The following RFXAP variants were observed in gnomAD, a reference collection of about 807,000 sequenced individuals.
RFXAP encodes the protein regulatory factor X associated protein.
Under a neutral mutation model 25.7 loss-of-function variants are expected in RFXAP, and 21 were observed. That is an observed-to-expected ratio of 0.82 (90% CI 0.58 to 1.18). The LOEUF (loss-of-function observed/expected upper bound fraction) is 1.18. Ranked by LOEUF, RFXAP falls within the 50% of genes most tolerant of loss-of-function variation. The pLI, the probability that RFXAP is intolerant of heterozygous loss-of-function variation, is 0.00. For synonymous variants in RFXAP, 161 were observed against 152.2 expected (o/e 1.06, Z -0.43); for missense variants, 333 against 363.0 (o/e 0.92, Z 0.67).
chr13:36,824,265 TAAATA>T (rs2057971563), intron 1 of RFXAP, among the ~76,000 whole-genome samples: 1 of 152,156 alleles, frequency 6.6e-6, no homozygotes, highest in Non-Finnish European at 1.5e-5. Context: ...AAGAATCTCA[TAAATA>T]AAATCAACTT....
At position 36,826,779 on chromosome 13, in the gene RFXAP, G is replaced by T. The variant is rs572441773; in HGVS notation, c.709-864G>T. Among the ~76,000 whole-genome samples the T allele has an allele frequency of 3.9e-5, 6 of 152,282 alleles. No individual in the cohort carries two copies. In the South Asian group the frequency reaches 1.2e-3, roughly 32 times the overall value. Reference sequence around the variant, plus strand: ...TATAATCTGAAAGTCAGTATTTAATGATAGTATGTTCACTTTATTCAGTTT... The same window carrying T: ...TATAATCTGAAAGTCAGTATTTAATTATAGTATGTTCACTTTATTCAGTTT... On this transcript the variant is annotated intron_variant, in intron 2 of 2. Transcript: ENST00000255476.
chr13:36,827,046 T>A (rs1046246406), intron 2 of RFXAP, among the ~76,000 whole-genome samples: 9 of 152,182 alleles, frequency 5.9e-5, no homozygotes, highest in African/African-American at 2.2e-4. Context: ...TACAACTATA[T>A]TTTAAAGTGA....
In RFXAP at chr13:36,822,852, T is replaced by G. The variant is rs116279043; in HGVS notation, c.601-2576T>G. On this transcript the variant is annotated intron_variant, in intron 1 of 2. Transcript: ENST00000255476. Reference sequence around the variant, plus strand: ...CTGTAAATCTTTATCTTTGTTAAACTGAGTGTAAAGAAAATAACAGTGCCA... The same window carrying G: ...CTGTAAATCTTTATCTTTGTTAAACGGAGTGTAAAGAAAATAACAGTGCCA... Among the ~76,000 whole-genome samples the G allele has an allele frequency of 5.7e-3, 868 of 152,312 alleles. 8 individuals are homozygous for G. The highest frequency in any genetic ancestry group is 0.02 in the African/African-American group (843 of 41,556).
chr13:36,823,975 C>T (rs1234165408), intron 1 of RFXAP, among the ~76,000 whole-genome samples: 3 of 152,122 alleles, frequency 2.0e-5, no homozygotes, highest in South Asian at 4.1e-4. Context: ...TAACATTCTA[C>T]CGAAATGTTA....
At chr13:36,820,355 G>T (rs1003916413) in intron 1 of RFXAP, among the ~76,000 whole-genome samples, 1 of 152,068 alleles carries the variant, frequency 6.6e-6, no homozygotes, top group African/African-American at 2.4e-5. Flanking sequence ...TCAGTATCCA[G>T]TTCTCAGTAC....
intron 2 of RFXAP, among the ~76,000 whole-genome samples, chr13:36,825,989 C>T (rs1033410521): frequency 6.6e-6 from 1 of 151,968 alleles, no homozygotes; most frequent in African/African-American, 2.4e-5. Flanking sequence ...TTCTGGGCAA[C>T]GTAGCGAGAC....
chr13:36,825,868 G>T (rs2138217694), intron 2 of RFXAP, among the ~76,000 whole-genome samples: 1 of 151,620 alleles, frequency 6.6e-6, no homozygotes, highest in South Asian at 2.1e-4. Flanking sequence ...AACGTGTCTG[G>T]TATTTTATCA....
At chr13:36,827,502 C>T (rs949356387) in intron 2 of RFXAP, 141 bp from the exon 3 acceptor site, 9 of 615,788 alleles carry the variant, frequency 1.5e-5, no homozygotes, top group Admixed American at 9.3e-5. Flanking sequence ...GCAGTGCATC[C>T]GATGTAAAAG....
rs542769803 is a variant in RFXAP, at chr13:36,821,452, G to C, written c.600+1495G>C. ...TAGGAGGGAGGATCGCTTGAGCCCGGAAGTTTGAGACCAGCCTGGGTAACA... is the reference window on the plus strand; with the variant it reads ...TAGGAGGGAGGATCGCTTGAGCCCGCAAGTTTGAGACCAGCCTGGGTAACA... On this transcript the variant is annotated intron_variant, in intron 1 of 2. Coordinates refer to ENST00000255476, the MANE Select transcript of RFXAP (RefSeq NM_000538.4). Among the ~76,000 whole-genome samples the C allele has an allele frequency of 4.8e-4, 73 of 151,992 alleles. 1 individual carries two copies. Among genetic ancestry groups the C allele is most frequent in the African/African-American group, 1.8e-3 (73 of 41,454 alleles).
Sources: gnomAD v4.1 joint callset for allele counts (sites outside exome capture counted in the v4.1 genomes callset) on GRCh38, gnomAD v4.1.1 for gene constraint, MANE v1.5 for transcripts, NCBI Gene and HGNC (gene_info 2026-07-23, HGNC 2026-07-21) for gene names.